Variants in M6PR observed in about 807,000 individuals in gnomAD.
The protein encoded by M6PR is cation-dependent mannose-6-phosphate receptor.
Under a neutral mutation model 33.1 loss-of-function variants are expected in M6PR, and 19 were observed. The observed-to-expected ratio is 0.57, with a 90% CI of 0.40 to 0.84. M6PR has a LOEUF of 0.84. Ranked by LOEUF, M6PR falls within the 40% of genes least tolerant of loss-of-function variation. The pLI, the probability that M6PR is intolerant of heterozygous loss-of-function variation, is 0.00. For synonymous variants in M6PR, 111 were observed against 123.4 expected (o/e 0.90, Z 0.67); for missense variants, 295 against 336.0 (o/e 0.88, Z 0.95).
intron 2 of M6PR, 119 bp downstream of exon 2, chr12:8,946,110 A>C: frequency 1.0e-6 from 1 of 985,350 alleles, no homozygotes; most frequent in East Asian, 2.5e-5. Context: ...GCAACTAAAA[A>C]CTGGGCTGAG....
chr12:8,945,347 A>G (rs985780463), intron 3 of M6PR, 71 bp downstream of exon 3: 10 of 1,545,428 alleles, frequency 6.5e-6, no homozygotes, highest in East Asian at 2.2e-5. Flanking sequence ...CGGCCAAGAC[A>G]TACAGGATTG....
At position 8,941,778 on chromosome 12, in the gene M6PR, T is replaced by C; in HGVS notation, c.*40A>G. 1 of 1,611,700 alleles carries C rather than the reference T, an allele frequency of 6.2e-7. No homozygotes were observed. Among genetic ancestry groups the C allele is most frequent in the Non-Finnish European group, 8.5e-7 (1 of 1,177,934 alleles). ...AGAAATCTGGCTGTGTAGCTTTGGT[T>C]TGGGGGACTGAGGAAGAGGCTGGAC... On this transcript the variant is annotated 3_prime_UTR_variant, in exon 7 of 7. Transcript: ENST00000000412.
At position 8,942,257 on chromosome 12, in the gene M6PR, C is replaced by G; in HGVS notation, c.711+159G>C. The G allele has an allele frequency of 3.2e-6, 3 of 941,372 alleles. No individual in the cohort carries two copies. In the South Asian group the frequency reaches 4.9e-5, roughly 15 times the overall value. The allele number at this position is 941,372 out of a possible 1,614,324, so 58.3% of individuals were successfully genotyped here. ...GAAATGGATGCTGTGCCACTTACTACTCTGTACTAGGGCAACTGTCTTGTT... is the reference window on the plus strand; with the variant it reads ...GAAATGGATGCTGTGCCACTTACTAGTCTGTACTAGGGCAACTGTCTTGTT... On this transcript the variant is annotated intron_variant, in intron 6 of 6. Coordinates refer to ENST00000000412, the MANE Select transcript of M6PR (RefSeq NM_002355.4).
In M6PR at chr12:8,949,311, C is replaced by G. The variant is rs145933352; in HGVS notation, c.-2+177G>C. ...GAAGTCCTTTCTCCCTCACACCTTT[C>G]GGAACTCCGTGACTCTCCGCTCTCA... On this transcript the variant is annotated intron_variant, in intron 1 of 6. Transcript: ENST00000000412. This position sits in a 1 kb window ranked among gnomAD's most constrained non-coding sequence, Gnocchi z 5.6. 0.011 allele frequency among the ~76,000 whole-genome samples: 1,664 copies of G among 152,196 alleles called. 13 individuals are homozygous for G. The highest frequency in any genetic ancestry group is 0.034 in the South Asian group (163 of 4,808).
intron 5 of M6PR, 182 bp downstream of exon 5, chr12:8,943,223 A>T: frequency 1.3e-6 from 1 of 751,322 alleles, no homozygotes; most frequent in Middle Eastern, 3.0e-4. Flanking sequence ...AAGTGCTGGG[A>T]TTACAGGCGT....
rs968156361 is a variant in M6PR at position 8,942,238 on chromosome 12, G to C, written c.711+178C>G. 53 of 781,778 alleles carry C rather than the reference G, an allele frequency of 6.8e-5. No individual in the cohort carries two copies. In the African/African-American group the frequency reaches 8.0e-4, roughly 12 times the overall value. 48.4% of individuals were successfully genotyped at this position (781,778 alleles called of 1,614,324 possible). On this transcript the variant is annotated intron_variant, in intron 6 of 6. Coordinates refer to ENST00000000412, the MANE Select transcript of M6PR (RefSeq NM_002355.4). ...CAATGTCTTACCAAGGCCAGAAATG[G>C]ATGCTGTGCCACTTACTACTCTGTA... is the stretch of plus-strand genomic sequence containing the variant.
In M6PR at chr12:8,943,825, G is replaced by A; in HGVS notation, c.429C>T (p.Ile143=). 2 of 1,612,958 alleles carry A rather than the reference G, an allele frequency of 1.2e-6. No individual in the cohort carries two copies. Among genetic ancestry groups the A allele is most frequent in the South Asian group, 1.1e-5 (1 of 91,014 alleles). ...GKEQRRAVVM[I]SCNRHTLADN... is the part of the protein sequence containing the mutation. ...CCGCTAGGGTGTGTCGATTGCAGGA[G>A]ATCATCACCACTGCACGACGCTGCT... The change falls in exon 4 of 7, where the codon ATC becomes ATT. Residue 143 remains isoleucine (I), a synonymous_variant. Coordinates refer to ENST00000000412, the MANE Select transcript of M6PR (RefSeq NM_002355.4).
At chr12:8,945,353 G>A (rs1946078571) in intron 3 of M6PR, 65 bp downstream of exon 3, 2 of 1,561,776 alleles carry the variant, frequency 1.3e-6, no homozygotes, top group Non-Finnish European at 1.8e-6. Flanking sequence ...AGACATACAG[G>A]ATTGTCAGAG....
chr12:8,942,267 G>T, intron 6 of M6PR, 149 bp downstream of exon 6: 2 of 1,039,172 alleles, frequency 1.9e-6, no homozygotes, highest in Non-Finnish European at 1.4e-6. Context: ...CTCTGTACTA[G>T]GGCAACTGTC....
intron 1 of M6PR, 74 bp from the exon 2 acceptor site, chr12:8,946,479 G>T: frequency 8.6e-7 from 1 of 1,168,864 alleles, no homozygotes; most frequent in Non-Finnish European, 1.3e-6. Context: ...GCGTATGAAT[G>T]TGTAATAAAT....
rs11048161 is a variant in M6PR, at chr12:8,945,974, A to G, written c.176+255T>C. The stretch of plus-strand genomic sequence containing the variant: ...GACATGTGTCGGCCTAAATATGTTT[A>G]TCTGATATTTCTAAAGTCCTATTAT... On this transcript the variant is annotated intron_variant, in intron 2 of 6. Transcript: ENST00000000412. Among the ~76,000 whole-genome samples the G allele has an allele frequency of 1.9e-3, 291 of 152,330 alleles. 3 individuals are homozygous for G. The highest frequency in any genetic ancestry group is 6.6e-3 in the African/African-American group (276 of 41,570).
rs755109434 is a variant in M6PR, at chr12:8,943,599, A to C, written c.454-64T>G. On this transcript the variant is annotated intron_variant, in intron 4 of 6. Transcript: ENST00000000412. ...TGTTTTGACTCCTGTCCAACAAAAT[A>C]AAAAACCCAAAAAACATCTGCTCCT... is the stretch of plus-strand genomic sequence containing the variant. The C allele has an allele frequency of 3.2e-6, 5 of 1,583,624 alleles. 1 individual carries two copies. The South Asian group carries it at 5.5e-5, about 18-fold the overall frequency.
chr12:8,947,726 C>A (rs1946117922), intron 1 of M6PR, among the ~76,000 whole-genome samples: 1 of 152,146 alleles, frequency 6.6e-6, no homozygotes, highest in Non-Finnish European at 1.5e-5. Context: ...GTGGAGTGAG[C>A]CAGAGAGTCT....
chr12:8,941,749 CT>C lies in M6PR; in HGVS notation c.*68del. 6.3e-7 allele frequency: 1 copy of C among 1,596,332 alleles called. No homozygotes were observed. The highest frequency in any genetic ancestry group is 1.1e-5 in the South Asian group (1 of 90,456). On this transcript the variant is annotated 3_prime_UTR_variant, in exon 7 of 7. Transcript: ENST00000000412. ...AGATGAGGGACTGGAGTTGAGACTG[CT>C]TGAGAAATCTGGCTGTGTAGCTTTG...
At position 8,945,525 on chromosome 12, in the gene M6PR, C is replaced by A; in HGVS notation, c.236G>T (p.Arg79Leu). ...DTYIYIFRVC[R>L]EAGNHTSGAG... The stretch of plus-strand genomic sequence containing the variant: ...CCCAGAAGTGTGGTTGCCAGCTTCC[C>A]GGCACACCCTGAAGATGTAGATGTA... The change falls in exon 3 of 7, where the codon CGG becomes CTG. Residue 79 changes from arginine (R) to leucine (L), a missense_variant. By Grantham distance (102) the Arg-to-Leu change is moderately radical. Coordinates refer to ENST00000000412, the MANE Select transcript of M6PR (RefSeq NM_002355.4). The A allele has an allele frequency of 6.2e-7, 1 of 1,614,074 alleles. No individual in the cohort carries two copies. Among genetic ancestry groups the A allele is most frequent in the Non-Finnish European group, 8.5e-7 (1 of 1,180,012 alleles).
chr12:8,944,185 TC>T (rs997906594), intron 3 of M6PR, among the ~76,000 whole-genome samples: 6 of 152,170 alleles, frequency 3.9e-5, no homozygotes, highest in Non-Finnish European at 2.9e-5. Context: ...CCAATTATGA[TC>T]CATACCTTAA....
chr12:8,946,490 C>T (rs1015464814), intron 1 of M6PR, 85 bp from the exon 2 acceptor site: 19 of 1,038,316 alleles, frequency 1.8e-5, no homozygotes, highest in Middle Eastern at 2.1e-4. Context: ...TGTAATAAAT[C>T]GATGGTATTT....
chr12:8,943,334 C>T lies in M6PR; in HGVS notation c.584+71G>A, dbSNP rs189801892. 14 of 1,562,380 alleles carry T rather than the reference C, an allele frequency of 9.0e-6. No homozygotes were observed. The East Asian group carries it at 2.9e-4, about 33-fold the overall frequency. Reference sequence around the variant, plus strand: ...TACACATACAATTTGTGCTTATGTACCACCATATAGTTACTGACCTTAAAA... The same window carrying T: ...TACACATACAATTTGTGCTTATGTATCACCATATAGTTACTGACCTTAAAA... On this transcript the variant is annotated intron_variant, in intron 5 of 6. Coordinates refer to ENST00000000412, the MANE Select transcript of M6PR (RefSeq NM_002355.4).
Position 8,942,424 on chromosome 12 carries a change from G to A in M6PR, c.703C>T (p.Leu235=), listed in dbSNP as rs1400427292. The A allele has an allele frequency of 1.2e-6, 2 of 1,614,154 alleles. No individual in the cohort carries two copies. Among genetic ancestry groups the A allele is most frequent in the Non-Finnish European group, 1.7e-6 (2 of 1,180,030 alleles). The change falls in exon 6 of 7, where the codon CTG becomes TTG. Residue 235 remains leucine, a synonymous_variant. Transcript: ENST00000000412. ...HLAFWQDLGN[L]VADGCDFVCR... ...GCTGCCCTGTTACTTACTGCTACCA[G>A]GTTGCCAAGATCCTGCCAGAAGGCT...
Sources: allele counts gnomAD v4.1 joint callset (sites outside exome capture counted in the v4.1 genomes callset), GRCh38; gene constraint gnomAD v4.1.1; non-coding constraint Gnocchi (gnomAD v3.1); transcripts MANE v1.5; gene names NCBI Gene and HGNC (gene_info 2026-07-23, HGNC 2026-07-21).